Variants in NXPH1 observed in about 807,000 individuals in gnomAD.
NXPH1 encodes the protein neurexophilin-1.
Under a neutral mutation model 23.7 loss-of-function variants are expected in NXPH1, and 5 were observed. The observed-to-expected ratio is 0.21, with a 90% CI of 0.11 to 0.44. NXPH1 has a LOEUF of 0.44. NXPH1 is among the 20% of genes least tolerant of loss of function. The pLI, the probability that NXPH1 is intolerant of heterozygous loss-of-function variation, is 0.99. For synonymous variants in NXPH1, 144 were observed against 122.2 expected, an observed-to-expected ratio of 1.18 and a Z score of -1.18; for missense variants, 324 against 321.6, an observed-to-expected ratio of 1.01 and a Z score of -0.06.
chr7:8,695,217 C>T (rs887763793), intron 2 of NXPH1, among the ~76,000 whole-genome samples: 70 of 152,084 alleles, frequency 4.6e-4, no homozygotes, highest in Middle Eastern at 6.3e-3. Context: ...AAGGTCTTGG[C>T]GGATGCTAGG....
rs556421473 is a variant in NXPH1 at position 8,466,354 on chromosome 7, A to G, written c.54+30587A>G. 2.0e-5 allele frequency among the ~76,000 whole-genome samples: 3 copies of G among 152,324 alleles called. 1 individual carries two copies. Among genetic ancestry groups the G allele is most frequent in the African/African-American group, 7.2e-5 (3 of 41,584 alleles). On this transcript the variant is annotated intron_variant, in intron 2 of 2. Transcript: ENST00000405863. ...TCAGTGATGTGCTACATCAATTGGT[A>G]TGGGAACGATGAGCTCTTTTTATTA...
intron 2 of NXPH1, among the ~76,000 whole-genome samples, chr7:8,675,789 G>T (rs1446619948): frequency 6.6e-6 from 1 of 152,134 alleles, no homozygotes; most frequent in African/African-American, 2.4e-5. Context: ...AGATATGGAG[G>T]CCTTGCATGG....
intron 2 of NXPH1, among the ~76,000 whole-genome samples, chr7:8,635,794 G>A (rs1034000762): frequency 6.6e-6 from 1 of 151,454 alleles, no homozygotes; most frequent in Non-Finnish European, 1.5e-5. Flanking sequence ...TTCTTTTTTT[G>A]ACAATTAAAA....
intron 2 of NXPH1, among the ~76,000 whole-genome samples, chr7:8,519,012 A>G (rs1817729189): frequency 6.6e-6 from 1 of 152,106 alleles, no homozygotes; most frequent in Admixed American, 6.6e-5. Flanking sequence ...TATGTAAAGC[A>G]TGTAGCAGAG....
intron 2 of NXPH1, among the ~76,000 whole-genome samples, chr7:8,678,987 C>G (rs1821007700): frequency 9.4e-6 from 1 of 106,796 alleles, no homozygotes; most frequent in Non-Finnish European, 1.8e-5. Context: ...CTCGCTCTGT[C>G]ACCCAGGCTG....
chr7:8,611,264 G>T (rs143664739), intron 2 of NXPH1, among the ~76,000 whole-genome samples: 1 of 152,246 alleles, frequency 6.6e-6, no homozygotes, highest in East Asian at 1.9e-4. Flanking sequence ...CTTTTAAAAT[G>T]TTCCCTTACC....
intron 2 of NXPH1, among the ~76,000 whole-genome samples, chr7:8,730,845 C>T (rs994529472): frequency 3.3e-4 from 50 of 150,982 alleles, no homozygotes; most frequent in African/African-American, 1.1e-3. Context: ...CGAGGAGTAT[C>T]TTTGTGGTGT....
intron 2 of NXPH1, among the ~76,000 whole-genome samples, chr7:8,737,962 T>G (rs1212337474): frequency 6.6e-6 from 1 of 152,252 alleles, no homozygotes; most frequent in Non-Finnish European, 1.5e-5. Flanking sequence ...GAAGTTCTCG[T>G]GCTGTGTTTT....
At chr7:8,480,150 T>C (rs1817048907) in intron 2 of NXPH1, among the ~76,000 whole-genome samples, 1 of 152,178 alleles carries the variant, frequency 6.6e-6, no homozygotes, top group Non-Finnish European at 1.5e-5. Context: ...GACATAGGTC[T>C]ATATTTTGAT....
chr7:8,458,507 T>A (rs1232403379), intron 2 of NXPH1, among the ~76,000 whole-genome samples: 4 of 152,206 alleles, frequency 2.6e-5, no homozygotes, highest in Non-Finnish European at 4.4e-5. Context: ...CCTTATTCCT[T>A]AAGAAAATGA....
chr7:8,535,962 G>C (rs1818019547), intron 2 of NXPH1, among the ~76,000 whole-genome samples: 1 of 151,924 alleles, frequency 6.6e-6, no homozygotes, highest in South Asian at 2.1e-4. Flanking sequence ...CTAGGTGATT[G>C]TGGTAACTCC....
intron 2 of NXPH1, among the ~76,000 whole-genome samples, chr7:8,612,785 C>T (rs1175481939): frequency 2.0e-5 from 3 of 152,040 alleles, no homozygotes; most frequent in Non-Finnish European, 4.4e-5. Flanking sequence ...TAAAGAGAGA[C>T]ACAGAGGTCA....
At chr7:8,540,969 T>C (rs1404760897) in intron 2 of NXPH1, among the ~76,000 whole-genome samples, 2 of 151,816 alleles carry the variant, frequency 1.3e-5, no homozygotes, top group Admixed American at 1.3e-4. Context: ...AAAGCTTAAG[T>C]ATATTTATTG....
At chr7:8,724,516 G>A (rs966948897) in intron 2 of NXPH1, among the ~76,000 whole-genome samples, 2 of 152,122 alleles carry the variant, frequency 1.3e-5, no homozygotes, top group African/African-American at 4.8e-5. Flanking sequence ...TTAAAAGAGG[G>A]TTGAGGGAAT....
chr7:8,465,925 C>T (rs1050309189), intron 2 of NXPH1, among the ~76,000 whole-genome samples: 1 of 152,126 alleles, frequency 6.6e-6, no homozygotes, highest in Non-Finnish European at 1.5e-5. Context: ...CTTCTGTCCC[C>T]CATGTACTGC....
chr7:8,519,289 A>T (rs10266380), intron 2 of NXPH1, among the ~76,000 whole-genome samples: 49,502 of 152,078 alleles, frequency 0.33, 8,274 homozygotes, highest in East Asian at 0.38. Flanking sequence ...TGTGAGGCAA[A>T]TGACACAAAC....
chr7:8,599,209 T>A (rs1164345981), intron 2 of NXPH1, among the ~76,000 whole-genome samples: 1 of 152,034 alleles, frequency 6.6e-6, no homozygotes, highest in Non-Finnish European at 1.5e-5. Context: ...GAGAAAATAT[T>A]TGAGCTGAGC....
intron 2 of NXPH1, among the ~76,000 whole-genome samples, chr7:8,608,465 T>C (rs1356097996): frequency 6.6e-6 from 1 of 152,052 alleles, no homozygotes; most frequent in Non-Finnish European, 1.5e-5. Flanking sequence ...CACTCCTGAT[T>C]AGCTGGGACT....
intron 2 of NXPH1, among the ~76,000 whole-genome samples, chr7:8,513,986 C>G (rs1430597699): frequency 6.6e-6 from 1 of 152,060 alleles, no homozygotes; most frequent in African/African-American, 2.4e-5. Flanking sequence ...TGTAGAGGAC[C>G]ATCTTCTCCC....
Sources: allele counts gnomAD v4.1 joint callset (sites outside exome capture counted in the v4.1 genomes callset), GRCh38; gene constraint gnomAD v4.1.1; transcripts MANE v1.5; gene names NCBI Gene and HGNC (gene_info 2026-07-23, HGNC 2026-07-21).